The following AGBL4 variants were observed in gnomAD, a reference collection of about 807,000 sequenced individuals.
AGBL4 encodes the protein cytosolic carboxypeptidase 6.
AGBL4 carries 58 observed loss-of-function variants against 66.4 expected under a neutral mutation model. The observed-to-expected ratio is 0.87, with a 90% CI of 0.71 to 1.09. The LOEUF is 1.09. Among genes scored for constraint, AGBL4 ranks in the 50% least tolerant of loss-of-function variants. The probability of loss-of-function intolerance (pLI) is 0.00; values close to 1 mark genes in which losing one functional copy is unlikely to be tolerated. For synonymous variants in AGBL4, 234 were observed against 222.9 expected (o/e 1.05, Z -0.44); for missense variants, 579 against 631.0 (o/e 0.92, Z 0.88).
Position 49,235,959 on chromosome 1 carries a change from A to T in AGBL4, c.377+9811T>A, listed in dbSNP as rs184610580. Among the ~76,000 whole-genome samples the T allele has an allele frequency of 3.9e-5, 6 of 151,976 alleles. No homozygotes were observed. In the East Asian group the frequency reaches 1.2e-3, roughly 29 times the overall value. The stretch of plus-strand genomic sequence containing the variant: ...CACCCTACCCTATTTCTAGTTGAAC[A>T]TGTTTCTTTTTCTCAGGTCAAATTA... On this transcript the variant is annotated intron_variant, in intron 4 of 13. Coordinates refer to ENST00000371839, the MANE Select transcript of AGBL4 (RefSeq NM_032785.4).
intron 8 of AGBL4, among the ~76,000 whole-genome samples, chr1:48,642,398 C>A (rs1438975454): frequency 1.3e-5 from 2 of 152,152 alleles, no homozygotes; most frequent in African/African-American, 2.4e-5. Flanking sequence ...CTTCTCCCTT[C>A]CCGTACAGAG....
At chr1:49,625,743 T>C (rs998674763) in intron 3 of AGBL4, among the ~76,000 whole-genome samples, 2 of 152,166 alleles carry the variant, frequency 1.3e-5, no homozygotes, top group Admixed American at 1.3e-4. Flanking sequence ...TTCTTTTCTG[T>C]TGCCTGAAGA....
intron 6 of AGBL4, among the ~76,000 whole-genome samples, chr1:48,802,951 TA>T (rs1447114025): frequency 1.3e-5 from 2 of 152,214 alleles, no homozygotes; most frequent in Admixed American, 1.3e-4. Flanking sequence ...TCTGCATGCC[TA>T]ACCTGATCCA....
At chr1:49,192,280 T>TA (rs1438260956) in intron 4 of AGBL4, among the ~76,000 whole-genome samples, 3 of 152,210 alleles carry the variant, frequency 2.0e-5, no homozygotes, top group Non-Finnish European at 4.4e-5. Context: ...TATATACTTG[T>TA]ATGTCAACAT....
At chr1:48,664,294 C>T (rs1646153111) in intron 6 of AGBL4, among the ~76,000 whole-genome samples, 1 of 152,084 alleles carries the variant, frequency 6.6e-6, no homozygotes, top group Non-Finnish European at 1.5e-5. Context: ...TAGGGTGACT[C>T]CCCATGATGT....
intron 4 of AGBL4, among the ~76,000 whole-genome samples, chr1:49,195,697 C>T (rs1348788706): frequency 6.6e-6 from 1 of 152,128 alleles, no homozygotes; most frequent in Admixed American, 6.5e-5. Context: ...ATATCTAAAT[C>T]TCTTGCTAGA....
intron 6 of AGBL4, among the ~76,000 whole-genome samples, chr1:48,739,543 T>C (rs1649587345): frequency 1.3e-5 from 2 of 152,200 alleles, no homozygotes. Context: ...ATCAAGAGGA[T>C]GGGTGCTGGA....
intron 4 of AGBL4, among the ~76,000 whole-genome samples, chr1:49,065,249 C>T (rs918587525): frequency 6.6e-6 from 1 of 152,120 alleles, no homozygotes; most frequent in African/African-American, 2.4e-5. Context: ...ACTCTCCTGC[C>T]TCTATGGACA....
intron 3 of AGBL4, among the ~76,000 whole-genome samples, chr1:49,483,465 CAT>C (rs1489180225): frequency 6.6e-6 from 1 of 151,688 alleles, no homozygotes; most frequent in Non-Finnish European, 1.5e-5. Context: ...TTCACAGAAA[CAT>C]AAAAAAATTC....
At chr1:48,883,384 C>T (rs1649976862) in intron 5 of AGBL4, among the ~76,000 whole-genome samples, 1 of 152,172 alleles carries the variant, frequency 6.6e-6, no homozygotes, top group South Asian at 2.1e-4. Context: ...CTGCTACATC[C>T]TTCCTTGCCT....
chr1:49,468,486 C>G (rs905429042), intron 3 of AGBL4, among the ~76,000 whole-genome samples: 1 of 151,802 alleles, frequency 6.6e-6, no homozygotes, highest in Non-Finnish European at 1.5e-5. Flanking sequence ...AAATCCCTAA[C>G]ATCTAAAATC....
At chr1:49,283,556 C>T (rs1396183411) in intron 3 of AGBL4, among the ~76,000 whole-genome samples, 4 of 152,156 alleles carry the variant, frequency 2.6e-5, no homozygotes, top group East Asian at 1.9e-4. Flanking sequence ...AGGCTTCAGA[C>T]GATCAAATTA....
At chr1:49,022,258 A>G (rs1027262334) in intron 5 of AGBL4, among the ~76,000 whole-genome samples, 1 of 152,170 alleles carries the variant, frequency 6.6e-6, no homozygotes, top group Non-Finnish European at 1.5e-5. Flanking sequence ...AAGTTAAATA[A>G]TTTAGAAAAC....
intron 3 of AGBL4, among the ~76,000 whole-genome samples, chr1:49,445,715 C>T (rs982907385): frequency 6.6e-6 from 1 of 151,850 alleles, no homozygotes; most frequent in Non-Finnish European, 1.5e-5. Flanking sequence ...CTATTTGGTT[C>T]TTTTTAAAAA....
chr1:49,858,749 C>T (rs1353986091), intron 1 of AGBL4, among the ~76,000 whole-genome samples: 1 of 152,026 alleles, frequency 6.6e-6, no homozygotes, highest in Non-Finnish European at 1.5e-5. Context: ...AGGCAAGGTG[C>T]CTCACACCTG....
intron 2 of AGBL4, among the ~76,000 whole-genome samples, chr1:49,769,617 A>C (rs571510667): frequency 2.6e-5 from 4 of 152,178 alleles, no homozygotes; most frequent in Admixed American, 2.6e-4. Context: ...AAACACAGAC[A>C]CATAGACCAA....
chr1:48,938,188 T>A (rs1655637460), intron 5 of AGBL4, among the ~76,000 whole-genome samples: 1 of 152,218 alleles, frequency 6.6e-6, no homozygotes, highest in South Asian at 2.1e-4. Context: ...TTGGGCCTTA[T>A]GCAAACAAAG....
intron 5 of AGBL4, among the ~76,000 whole-genome samples, chr1:48,898,615 C>T (rs191071977): frequency 7.9e-4 from 120 of 151,528 alleles, no homozygotes; most frequent in African/African-American, 2.9e-3. Flanking sequence ...TTGGTATATC[C>T]GGATTCTCTA....
chr1:48,876,284 C>T (rs1487599039), intron 5 of AGBL4, among the ~76,000 whole-genome samples: 1 of 152,118 alleles, frequency 6.6e-6, no homozygotes, highest in Non-Finnish European at 1.5e-5. Flanking sequence ...ACTGGATAAA[C>T]AGCTGAAACC....
Sources: allele counts gnomAD v4.1 joint callset (sites outside exome capture counted in the v4.1 genomes callset), GRCh38; gene constraint gnomAD v4.1.1; transcripts MANE v1.5; gene names NCBI Gene and HGNC (gene_info 2026-07-23, HGNC 2026-07-21).